RFX3: variants seen among roughly 807,000 people sequenced by gnomAD.
RFX3 encodes regulatory factor X3, also known as transcription factor RFX3.
Under a neutral mutation model 98.6 loss-of-function variants are expected in RFX3, and 14 were observed. The ratio of observed to expected loss-of-function variants is 0.14; its 90% CI spans 0.09 to 0.22. RFX3 has a LOEUF of 0.22. RFX3 is among the 10% of genes least tolerant of loss of function. The pLI, the probability that RFX3 is intolerant of heterozygous loss-of-function variation, is 1.00. For synonymous variants in RFX3, 383 were observed against 328.4 expected (o/e 1.17, Z -1.80); for missense variants, 639 against 926.9 (o/e 0.69, Z 4.03).
chr9:3,510,330 C>CA, intron 1 of RFX3, among the ~76,000 whole-genome samples: 1 of 151,628 alleles, frequency 6.6e-6, no homozygotes, highest in South Asian at 2.1e-4. Context: ...TTGCCCCCCC[C>CA]AAAAAAAGCA....
Position 3,379,852 on chromosome 9 carries a change from T to G in RFX3, c.117+15620A>C, listed in dbSNP as rs1448424744. ...AGAGCACCACTACATCAATTATTTTTTCATTTGACCTTTATAACTTATGGG... is the reference window on the plus strand; with the variant it reads ...AGAGCACCACTACATCAATTATTTTGTCATTTGACCTTTATAACTTATGGG... On this transcript the variant is annotated intron_variant, in intron 2 of 16. Transcript: ENST00000617270. 4.6e-5 allele frequency among the ~76,000 whole-genome samples: 7 copies of G among 152,188 alleles called. No individual in the cohort carries two copies. In the South Asian group the frequency reaches 1.5e-3, roughly 32 times the overall value.
At position 3,504,671 on chromosome 9, in the gene RFX3, C is replaced by CCATATGGTATATATTGT. The variant is rs1564184588; in HGVS notation, c.-9+21075_-9+21076insACAATATATACCATATG. Reference sequence around the variant, plus strand: ...AGTATATGCCATATGGTATATATTGCATATAAAATATATATTATATGCTAT... The same window carrying CCATATGGTATATATTGT: ...AGTATATGCCATATGGTATATATTGCCATATGGTATATATTGTATATAAAATATATATTATATGCTAT... On this transcript the variant is annotated intron_variant, in intron 1 of 16. Transcript: ENST00000617270. Among the ~76,000 whole-genome samples, 4 of 6,774 alleles carry CCATATGGTATATATTGT rather than the reference C, an allele frequency of 5.9e-4. 1 individual carries two copies. The highest frequency in any genetic ancestry group is 1.4e-3 in the African/African-American group (2 of 1,392). The allele number at this position is 6,774 out of a possible 152,430, so 4.4% of individuals were successfully genotyped here.
At chr9:3,232,821 T>TGAGAGAGGGAGGG (rs1382846500) in intron 15 of RFX3, among the ~76,000 whole-genome samples, 2 of 99,870 alleles carry the variant, frequency 2.0e-5, no homozygotes, top group Non-Finnish European at 4.0e-5. Context: ...GGATGTGGGG[T>TGAGAGAGGGAGGG]GAGAGAGGGA....
chr9:3,427,318 A>C (rs1248890223), intron 1 of RFX3, among the ~76,000 whole-genome samples: 2 of 143,016 alleles, frequency 1.4e-5, no homozygotes, highest in East Asian at 3.9e-4. Flanking sequence ...TTACATAATA[A>C]TACAATATAT....
intron 1 of RFX3, among the ~76,000 whole-genome samples, chr9:3,502,120 G>A (rs898647193): frequency 1.3e-5 from 2 of 150,898 alleles, no homozygotes; most frequent in South Asian, 2.1e-4. Flanking sequence ...TTAGCCGGGC[G>A]TAGTGGCGGG....
At chr9:3,228,652 T>C (rs1818079447) in intron 16 of RFX3, among the ~76,000 whole-genome samples, 195 bp downstream of exon 16, 1 of 152,176 alleles carries the variant, frequency 6.6e-6, no homozygotes, top group Admixed American at 6.5e-5. Flanking sequence ...CTGCATTTAA[T>C]ATACCTCATA....
intron 1 of RFX3, among the ~76,000 whole-genome samples, chr9:3,425,178 A>T (rs916458686): frequency 6.6e-6 from 1 of 152,208 alleles, no homozygotes; most frequent in African/African-American, 2.4e-5. Context: ...GCAGAGGTTG[A>T]GTGAGCCATG....
At position 3,507,120 on chromosome 9, in the gene RFX3, T is replaced by C. The variant is rs148435100; in HGVS notation, c.-9+18627A>G. On this transcript the variant is annotated intron_variant, in intron 1 of 16. Coordinates refer to ENST00000617270, the MANE Select transcript of RFX3 (RefSeq NM_001282116.2). ...GAGTCTTCTGCCCTCAGTAAGCTTA[T>C]AAACAATTTAAAAAGATTAAGCATT... 3.4e-3 allele frequency among the ~76,000 whole-genome samples: 521 copies of C among 151,932 alleles called. 3 individuals are homozygous for C. The highest frequency in any genetic ancestry group is 0.012 in the African/African-American group (495 of 41,488).
At chr9:3,427,709 C>G (rs1844250658) in intron 1 of RFX3, among the ~76,000 whole-genome samples, 1 of 151,942 alleles carries the variant, frequency 6.6e-6, no homozygotes, top group African/African-American at 2.4e-5. Flanking sequence ...GGACACAGCT[C>G]CAACATCTAC....
At chr9:3,405,751 C>G (rs898464329) in intron 1 of RFX3, among the ~76,000 whole-genome samples, 1 of 152,116 alleles carries the variant, frequency 6.6e-6, no homozygotes, top group African/African-American at 2.4e-5. Flanking sequence ...ATATCTATAT[C>G]TCGCCACACA....
intron 15 of RFX3, among the ~76,000 whole-genome samples, chr9:3,236,785 T>C (rs184766639): frequency 1.3e-3 from 201 of 152,310 alleles, no homozygotes; most frequent in Non-Finnish European, 2.5e-3. Flanking sequence ...AAAAGACTAC[T>C]CACTTGAGGG....
intron 1 of RFX3, among the ~76,000 whole-genome samples, chr9:3,493,700 A>AAAAAAAT (rs398010211): frequency 1.1e-4 from 8 of 71,778 alleles, no homozygotes; most frequent in African/African-American, 4.7e-4. Flanking sequence ...AAAAAAAAAA[A>AAAAAAAT]ATATATATAT....
At chr9:3,451,426 C>A (rs868435842) in intron 1 of RFX3, among the ~76,000 whole-genome samples, 5 of 152,204 alleles carry the variant, frequency 3.3e-5, no homozygotes, top group Admixed American at 6.5e-5. Context: ...TGTCTGTAGT[C>A]CCAGCTACTT....
At chr9:3,400,425 A>G (rs999449675) in intron 1 of RFX3, among the ~76,000 whole-genome samples, 11 of 152,354 alleles carry the variant, frequency 7.2e-5, no homozygotes, top group South Asian at 2.1e-4. Context: ...CATAAAGCCT[A>G]GTCCTGCACA....
intron 2 of RFX3, among the ~76,000 whole-genome samples, chr9:3,373,965 C>A (rs1223802052): frequency 1.3e-5 from 2 of 152,062 alleles, no homozygotes; most frequent in Non-Finnish European, 2.9e-5. Context: ...GTAGTCCCAG[C>A]TACTCGGGAG....
intron 1 of RFX3, among the ~76,000 whole-genome samples, chr9:3,443,632 G>A (rs1000213345): frequency 3.9e-5 from 6 of 152,018 alleles, no homozygotes; most frequent in African/African-American, 1.4e-4. Flanking sequence ...TGATTCCATG[G>A]CTTTGCTATT....
At chr9:3,228,015 C>T (rs1174001842) in intron 16 of RFX3, among the ~76,000 whole-genome samples, 2 of 152,108 alleles carry the variant, frequency 1.3e-5, no homozygotes, top group Non-Finnish European at 2.9e-5. Flanking sequence ...TTGTACCTGT[C>T]GCCGATAGTC....
At chr9:3,356,808 C>T (rs898333106) in intron 2 of RFX3, among the ~76,000 whole-genome samples, 1 of 151,740 alleles carries the variant, frequency 6.6e-6, no homozygotes, top group African/African-American at 2.4e-5. Flanking sequence ...CCCAAGAATG[C>T]AATGCCAGTT....
At chr9:3,472,272 G>A (rs977139592) in intron 1 of RFX3, among the ~76,000 whole-genome samples, 11 of 152,178 alleles carry the variant, frequency 7.2e-5, no homozygotes, top group Admixed American at 6.5e-5. Context: ...TTGGGCTTTA[G>A]TGTTAAACAG....
Sources: allele counts gnomAD v4.1 joint callset (sites outside exome capture counted in the v4.1 genomes callset), GRCh38; gene constraint gnomAD v4.1.1; transcripts MANE v1.5; gene names NCBI Gene and HGNC (gene_info 2026-07-23, HGNC 2026-07-21).